Variants in ANXA3 observed in about 807,000 individuals in gnomAD.
ANXA3 encodes 35-alpha calcimedin.
Under a neutral mutation model 48.8 loss-of-function variants are expected in ANXA3, and 46 were observed. That is an observed-to-expected ratio of 0.94 (90% CI 0.74 to 1.21). ANXA3 has a LOEUF of 1.21. Among genes scored for constraint, ANXA3 ranks in the 50% most tolerant of loss-of-function variants. ANXA3 has a pLI of 0.00. For synonymous variants in ANXA3, 128 were observed against 134.7 expected (o/e 0.95, Z 0.35); for missense variants, 383 against 378.6 (o/e 1.01, Z -0.10).
chr4:78,596,164 T>TA (rs1376925760), intron 9 of ANXA3, among the ~76,000 whole-genome samples: 1 of 152,158 alleles, frequency 6.6e-6, no homozygotes, highest in Admixed American at 6.5e-5. Context: ...GGCCACCCTC[T>TA]AGGGTGAGAG....
intron 5 of ANXA3, among the ~76,000 whole-genome samples, chr4:78,584,220 C>A (rs1007645719): frequency 3.9e-5 from 6 of 152,136 alleles, no homozygotes; most frequent in African/African-American, 1.4e-4. Flanking sequence ...GCTTCATTGC[C>A]CAGGCTCTAG....
intron 2 of ANXA3, among the ~76,000 whole-genome samples, 171 bp downstream of exon 2, chr4:78,554,659 C>G (rs1005057747): frequency 6.6e-6 from 1 of 151,950 alleles, no homozygotes; most frequent in Non-Finnish European, 1.5e-5. Flanking sequence ...TTTAAAAATG[C>G]ATTGTAAAGT....
At chr4:78,551,924 T>G (rs971982236) in intron 1 of ANXA3, 65 bp downstream of exon 1, 1 of 152,254 alleles carries the variant, frequency 6.6e-6, no homozygotes, top group African/African-American at 2.4e-5. Flanking sequence ...ACGGGTGGCT[T>G]GGGGAGGTCG....
chr4:78,589,847 TAAAG>T (rs989871140), intron 6 of ANXA3, among the ~76,000 whole-genome samples: 2 of 152,200 alleles, frequency 1.3e-5, no homozygotes, highest in Non-Finnish European at 2.9e-5. Context: ...AGAGTCTAAA[TAAAG>T]AGAGATCTAA....
At chr4:78,578,105 C>T (rs140045937) in intron 3 of ANXA3, among the ~76,000 whole-genome samples, 5,907 of 151,314 alleles carry the variant, frequency 0.039, 400 homozygotes, top group African/African-American at 0.14. Context: ...ATGGTGAAAC[C>T]CCATCTCTAC....
intron 2 of ANXA3, among the ~76,000 whole-genome samples, chr4:78,562,528 A>C (rs1225656048): frequency 1.3e-5 from 2 of 152,246 alleles, no homozygotes; most frequent in African/African-American, 4.8e-5. Context: ...CCGGCATTTG[A>C]GAATTATTGA....
chr4:78,576,049 C>T (rs1560444188), intron 3 of ANXA3, among the ~76,000 whole-genome samples: 1 of 151,922 alleles, frequency 6.6e-6, no homozygotes, highest in South Asian at 2.1e-4. Context: ...CTCTGTTATG[C>T]TTCATTTATC....
chr4:78,598,179 C>CCACACACACACACACACA (rs57634883), intron 10 of ANXA3, among the ~76,000 whole-genome samples: 7 of 144,664 alleles, frequency 4.8e-5, no homozygotes, highest in African/African-American at 1.3e-4. Flanking sequence ...ATTAAAAAAA[C>CCACACACACACACACACA]CACACACACA....
At chr4:78,588,828 C>G (rs967551981) in intron 6 of ANXA3, among the ~76,000 whole-genome samples, 2 of 152,104 alleles carry the variant, frequency 1.3e-5, no homozygotes, top group South Asian at 4.1e-4. Context: ...TAATAGGGAG[C>G]GGGTACAGAC....
At chr4:78,565,840 G>T (rs1167705605) in intron 2 of ANXA3, among the ~76,000 whole-genome samples, 1 of 152,122 alleles carries the variant, frequency 6.6e-6, no homozygotes, top group Non-Finnish European at 1.5e-5. Flanking sequence ...AAATAGCTTG[G>T]GAGGAAACAA....
intron 2 of ANXA3, among the ~76,000 whole-genome samples, chr4:78,569,313 C>T (rs17003357): frequency 0.027 from 4,089 of 151,934 alleles, 204 homozygotes; most frequent in African/African-American, 0.094. Context: ...TGATGTTCTA[C>T]GCTAGCACTG....
At chr4:78,599,656 G>A (rs79634611) in intron 10 of ANXA3, among the ~76,000 whole-genome samples, 4,010 of 152,148 alleles carry the variant, frequency 0.026, 172 homozygotes, top group African/African-American at 0.086. Context: ...GACCAGCCTG[G>A]GCAACATAGT....
At position 78,582,238 on chromosome 4, in the gene ANXA3, T is replaced by A; in HGVS notation, c.260T>A (p.Leu87Gln). ...SGHFEHLMVA[L>Q]VTPPAVFDAK... ...CACTTTGAGCATCTCATGGTGGCCC[T>A]AGTGACTCCACCAGCAGTCTTTGAT... The change falls in exon 5 of 13, where the codon CTA (leucine) becomes CAA (glutamine). Residue 87 changes from leucine (L) to glutamine (Q), a missense_variant. Physicochemically the swap from Leu to Gln is moderately radical, Grantham distance 113 (BLOSUM62 -2). Coordinates refer to ENST00000264908, the MANE Select transcript of ANXA3 (RefSeq NM_005139.3). The A allele has an allele frequency of 6.2e-7, 1 of 1,613,874 alleles. No individual in the cohort carries two copies. The highest frequency in any genetic ancestry group is 8.5e-7 in the Non-Finnish European group (1 of 1,179,768).
chr4:78,578,300 A>T (rs1578396409), intron 3 of ANXA3, among the ~76,000 whole-genome samples: 1 of 87,716 alleles, frequency 1.1e-5, no homozygotes, highest in African/African-American at 5.2e-5. Context: ...AGAGAGAGCG[A>T]GAGAGAGAGA....
intron 7 of ANXA3, among the ~76,000 whole-genome samples, chr4:78,592,021 A>T (rs1429026548): frequency 6.6e-6 from 1 of 152,242 alleles, no homozygotes; most frequent in Admixed American, 6.5e-5. Context: ...TCTAAATTAA[A>T]TAGGAAGCAT....
At chr4:78,609,675 A>G (rs1394335467) in intron 12 of ANXA3, among the ~76,000 whole-genome samples, 2 of 152,318 alleles carry the variant, frequency 1.3e-5, no homozygotes, top group South Asian at 2.1e-4. Context: ...GAGAGCTTTT[A>G]AAAGGGTTAA....
intron 7 of ANXA3, among the ~76,000 whole-genome samples, chr4:78,592,230 AGG>A (rs759016854): frequency 2.6e-5 from 4 of 152,206 alleles, no homozygotes; most frequent in African/African-American, 4.8e-5. Flanking sequence ...AAAGATGGTA[AGG>A]TCAAGGATGA....
At chr4:78,557,289 G>T (rs1228958107) in intron 2 of ANXA3, among the ~76,000 whole-genome samples, 3 of 152,168 alleles carry the variant, frequency 2.0e-5, no homozygotes, top group South Asian at 4.2e-4. Flanking sequence ...CTTTCTGGGG[G>T]ATCTCTTTTC....
chr4:78,593,224 A>G (rs186362484), intron 7 of ANXA3, among the ~76,000 whole-genome samples: 1 of 151,422 alleles, frequency 6.6e-6, no homozygotes, highest in East Asian at 1.9e-4. Flanking sequence ...CTTTTTTGAG[A>G]CAGAGTCTCA....
Sources: gnomAD v4.1 joint callset for allele counts (sites outside exome capture counted in the v4.1 genomes callset) on GRCh38, gnomAD v4.1.1 for gene constraint, MANE v1.5 for transcripts, NCBI Gene and HGNC (gene_info 2026-07-23, HGNC 2026-07-21) for gene names.